The following ABCC3 variants were observed in gnomAD, a reference collection of about 807,000 sequenced individuals.
ABCC3 encodes ATP binding cassette subfamily C member 3.
A neutral mutation model predicts 165.3 loss-of-function variants in ABCC3; 121 were observed. The observed-to-expected ratio is 0.73, with a 90% CI of 0.63 to 0.85. The LOEUF is 0.85. Ranked by LOEUF, ABCC3 falls within the 40% of genes least tolerant of loss-of-function variation. The probability of loss-of-function intolerance (pLI) is 0.00; values close to 1 mark genes in which losing one functional copy is unlikely to be tolerated. For synonymous variants in ABCC3, 733 were observed against 810.1 expected (o/e 0.90, Z 1.62); for missense variants, 1,869 against 1,964.1 (o/e 0.95, Z 0.92).
At chr17:50,690,184 G>A (rs1420492637) in intron 30 of ABCC3, among the ~76,000 whole-genome samples, 2 of 152,338 alleles carry the variant, frequency 1.3e-5, no homozygotes, top group South Asian at 4.1e-4. Flanking sequence ...GGAGGCTGGA[G>A]TGCGTGGGAG....
intron 27 of ABCC3, 29 bp downstream of exon 27, chr17:50,683,785 T>C: frequency 6.3e-7 from 1 of 1,593,990 alleles, no homozygotes; most frequent in South Asian, 1.1e-5. Context: ...GGCCTGCGTG[T>C]GTGTTCATGC....
chr17:50,686,459 C>T (rs567577309), intron 29 of ABCC3, among the ~76,000 whole-genome samples: 1 of 152,240 alleles, frequency 6.6e-6, no homozygotes, highest in East Asian at 1.9e-4. Context: ...GTGGGACTCC[C>T]TTGCCACCCA....
chr17:50,663,428 T>C, intron 8 of ABCC3: 1 of 513,712 alleles, frequency 1.9e-6, no homozygotes, highest in Non-Finnish European at 3.5e-6. Flanking sequence ...AGGCTGGTGG[T>C]GAGAGCGTCA....
In ABCC3 at chr17:50,679,840, T is replaced by C; in HGVS notation, c.3748T>C (p.Leu1250=). The C allele has an allele frequency of 6.2e-7, 1 of 1,614,064 alleles. No individual in the cohort carries two copies. The highest frequency in any genetic ancestry group is 8.5e-7 in the Non-Finnish European group (1 of 1,179,990). ...CTGGATGATACGAATGATGTCAGATTTGGAATCTAACATCGTGGCTGTGGA... is the reference window on the plus strand; with the variant it reads ...CTGGATGATACGAATGATGTCAGATCTGGAATCTAACATCGTGGCTGTGGA... ...LNWMIRMMSD[L]ESNIVAVERV... Residue 1250 remains leucine, a synonymous_variant, in exon 26 of 31, where the codon TTG becomes CTG. Coordinates refer to ENST00000285238, the MANE Select transcript of ABCC3 (RefSeq NM_003786.4).
intron 13 of ABCC3, 59 bp downstream of exon 13, chr17:50,668,068 G>A: frequency 6.7e-7 from 1 of 1,482,110 alleles, no homozygotes; most frequent in Non-Finnish European, 9.4e-7. Flanking sequence ...TGGGGTCAGG[G>A]AAGGGTCACT....
intron 13 of ABCC3, 26 bp from the exon 14 acceptor site, chr17:50,668,404 T>TAGGGCTGACTCACATCCTCC: frequency 1.2e-6 from 2 of 1,604,270 alleles, no homozygotes; most frequent in Non-Finnish European, 1.7e-6. Flanking sequence ...GTACAGTCTC[T>TAGGGCTGACTCACATCCTCC]AGGGCTGACT....
chr17:50,666,061 C>T (rs1032713569), intron 11 of ABCC3, among the ~76,000 whole-genome samples: 2 of 152,202 alleles, frequency 1.3e-5, no homozygotes, highest in Non-Finnish European at 2.9e-5. Context: ...TTCTCCACAG[C>T]ACCAAGCTCA....
chr17:50,663,560 G>A, intron 8 of ABCC3, 121 bp from the exon 9 acceptor site: 6 of 1,182,186 alleles, frequency 5.1e-6, no homozygotes, highest in South Asian at 1.4e-5. Flanking sequence ...GAGGTTGGAG[G>A]GGGTGGAGGT....
intron 26 of ABCC3, among the ~76,000 whole-genome samples, chr17:50,681,336 G>A (rs943881843): frequency 3.3e-5 from 5 of 152,110 alleles, no homozygotes; most frequent in Non-Finnish European, 1.5e-5. Context: ...AAACCCGCCT[G>A]TGTCTCCTTC....
chr17:50,668,485 C>G lies in ABCC3; in HGVS notation c.1838C>G (p.Pro613Arg). 28 of 1,613,990 alleles carry G rather than the reference C, an allele frequency of 1.7e-5. No individual in the cohort carries two copies. The highest frequency in any genetic ancestry group is 2.3e-5 in the Non-Finnish European group (27 of 1,179,940). The part of the protein sequence containing the change: ...QQFLSQEELD[P>R]QSVERKTISP... ...TTCCTGAGCCAAGAGGAACTTGACC[C>G]CCAGAGTGTGGAAAGAAAGACCATC... is the stretch of plus-strand genomic sequence containing the variant. The change falls in exon 14 of 31, where the codon CCC becomes CGC. Residue 613 changes from proline to arginine, a missense_variant. Pro to Arg is a moderately radical substitution (Grantham distance 103). Coordinates refer to ENST00000285238, the MANE Select transcript of ABCC3 (RefSeq NM_003786.4).
At chr17:50,663,915 C>G (rs11568606) in intron 9 of ABCC3, 35 bp from the exon 10 acceptor site, 1 of 1,614,146 alleles carries the variant, frequency 6.2e-7, no homozygotes, top group Non-Finnish European at 8.5e-7. Context: ...GCAAGAGGCT[C>G]GCAGCCAAGT....
chr17:50,655,839 A>G lies in ABCC3; in HGVS notation c.53A>G (p.Asn18Ser), dbSNP rs149367152. 4.3e-6 allele frequency: 7 copies of G among 1,613,692 alleles called. No homozygotes were observed. The highest frequency in any genetic ancestry group is 3.3e-4 in the Middle Eastern group (2 of 6,084). Reference sequence around the variant, plus strand: ...TGTTCTCTGTGTCCCCAGGACTCCAACCTGTCTGTGCACACAGAAAACCCG... The same window carrying G: ...TGTTCTCTGTGTCCCCAGGACTCCAGCCTGTCTGTGCACACAGAAAACCCG... ...GELGSKFWDSNLSVHTENPDL... is the reference protein window; with the variant it reads ...GELGSKFWDSSLSVHTENPDL... Residue 18 changes from asparagine to serine, a missense_variant, in exon 2 of 31, where the codon AAC (asparagine) becomes AGC (serine). Asn to Ser is a conservative substitution (Grantham distance 46). Coordinates refer to ENST00000285238, the MANE Select transcript of ABCC3 (RefSeq NM_003786.4).
At chr17:50,656,929 G>A in intron 3 of ABCC3, 102 bp downstream of exon 3, 8 of 1,547,098 alleles carry the variant, frequency 5.2e-6, no homozygotes, top group Non-Finnish European at 7.0e-6. Flanking sequence ...GGACATATTG[G>A]GAATGGGAAG....
Position 50,678,128 on chromosome 17 carries a change from G to T in ABCC3, c.3614G>T (p.Cys1205Phe). The T allele has an allele frequency of 6.3e-7, 1 of 1,584,286 alleles. No individual in the cohort carries two copies. The highest frequency in any genetic ancestry group is 8.6e-7 in the Non-Finnish European group (1 of 1,165,004). The change falls in exon 25 of 31, where the codon TGC (cysteine) becomes TTC (phenylalanine). Residue 1205 changes from cysteine (C) to phenylalanine (F), a missense_variant. Transcript: ENST00000285238. The stretch of plus-strand genomic sequence containing the variant: ...ATCGGAGTGGAGTTCGTGGGGAACT[G>T]CGTGGTGCTCTTTGCTGCACTATTT... ...LSIGVEFVGNCVVLFAALFAV... is the reference protein window; with the variant it reads ...LSIGVEFVGNFVVLFAALFAV...
chr17:50,648,548 A>G (rs1967048920), intron 1 of ABCC3, among the ~76,000 whole-genome samples: 1 of 152,232 alleles, frequency 6.6e-6, no homozygotes. Context: ...AAAGACCTCC[A>G]GATTCTTCCA....
At chr17:50,666,767 G>T (rs1014575786) in intron 11 of ABCC3, among the ~76,000 whole-genome samples, 5 of 152,206 alleles carry the variant, frequency 3.3e-5, no homozygotes, top group Admixed American at 3.3e-4. Flanking sequence ...GGGGTTGAAT[G>T]AATACATTAA....
chr17:50,637,791 G>A (rs2054193196), intron 1 of ABCC3, among the ~76,000 whole-genome samples: 1 of 152,254 alleles, frequency 6.6e-6, no homozygotes, highest in Non-Finnish European at 1.5e-5. Context: ...CCGGAAGAGG[G>A]AGGAGAAAGA....
chr17:50,635,283 T>C (rs1598900698), intron 1 of ABCC3: 2 of 623,840 alleles, frequency 3.2e-6, no homozygotes, highest in South Asian at 1.8e-5. Context: ...CGTGGCTGGG[T>C]GAGTCGGCTC....
intron 8 of ABCC3, 83 bp downstream of exon 8, chr17:50,661,197 G>A (rs747357328): frequency 8.8e-5 from 124 of 1,404,368 alleles, no homozygotes; most frequent in Non-Finnish European, 1.1e-4. Context: ...ACAACGTACA[G>A]TGAAAAGAAC....
Sources: gnomAD v4.1 joint callset for allele counts (sites outside exome capture counted in the v4.1 genomes callset) on GRCh38, gnomAD v4.1.1 for gene constraint, MANE v1.5 for transcripts, NCBI Gene and HGNC (gene_info 2026-07-23, HGNC 2026-07-21) for gene names.